GXYLT2: variants seen among roughly 807,000 people sequenced by gnomAD.
The protein encoded by GXYLT2 is glucoside xylosyltransferase 2, also known as glycosyltransferase 8 domain containing 4.
GXYLT2 carries 53 observed loss-of-function variants against 45.8 expected under a neutral mutation model. The observed-to-expected ratio is 1.16, with a 90% CI of 0.93 to 1.46. The LOEUF is 1.46. Ranked by LOEUF, GXYLT2 falls within the 40% of genes most tolerant of loss-of-function variation. GXYLT2 has a pLI of 0.00. For missense variants in GXYLT2, 551 were observed against 544.4 expected (o/e 1.01, Z -0.12); for synonymous variants, 219 against 214.2 (o/e 1.02, Z -0.19).
intron 3 of GXYLT2, among the ~76,000 whole-genome samples, chr3:72,930,956 A>C (rs1164223977): frequency 5.3e-5 from 8 of 152,008 alleles, no homozygotes; most frequent in Admixed American, 5.2e-4. Flanking sequence ...TAGAAGAACA[A>C]CACCATAAAC....
At position 72,970,345 on chromosome 3, in the gene GXYLT2, C is replaced by A. The variant is rs1710964034; in HGVS notation, c.1149+2626C>A. Among the ~76,000 whole-genome samples the A allele has an allele frequency of 4.6e-5, 7 of 151,146 alleles. 1 individual carries two copies. In the South Asian group the frequency reaches 1.5e-3, roughly 32 times the overall value. On this transcript the variant is annotated intron_variant, in intron 6 of 6. Coordinates refer to ENST00000389617, the MANE Select transcript of GXYLT2 (RefSeq NM_001080393.2). ...CAGCCTGAGTGACAGAGCGACACTCCATCTCAAAAAAACCAATTAATTAAT... is the reference window on the plus strand; with the variant it reads ...CAGCCTGAGTGACAGAGCGACACTCAATCTCAAAAAAACCAATTAATTAAT...
intron 5 of GXYLT2, among the ~76,000 whole-genome samples, chr3:72,965,859 A>T (rs1409846975): frequency 6.6e-6 from 1 of 152,112 alleles, no homozygotes; most frequent in Admixed American, 6.5e-5. Flanking sequence ...ATACAAACAC[A>T]CCTGTGTACA....
intron 6 of GXYLT2, 96 bp from the exon 7 acceptor site, chr3:72,974,881 C>T: frequency 1.1e-6 from 1 of 918,744 alleles, no homozygotes; most frequent in Non-Finnish European, 1.7e-6. Context: ...TGCCTGTGGG[C>T]TTATCGTAAT....
chr3:72,908,882 C>T (rs1709561610), intron 2 of GXYLT2, among the ~76,000 whole-genome samples: 1 of 151,982 alleles, frequency 6.6e-6, no homozygotes, highest in African/African-American at 2.4e-5. Flanking sequence ...GGACTACAGG[C>T]ATGCACCACC....
At chr3:72,933,418 GTCA>G (rs1242253332) in intron 3 of GXYLT2, among the ~76,000 whole-genome samples, 1 of 152,124 alleles carries the variant, frequency 6.6e-6, no homozygotes, top group Non-Finnish European at 1.5e-5. Flanking sequence ...CAACTGAAGA[GTCA>G]TTATATTTCT....
intron 3 of GXYLT2, among the ~76,000 whole-genome samples, chr3:72,925,473 C>T (rs1228765744): frequency 6.6e-6 from 1 of 152,082 alleles, no homozygotes; most frequent in Non-Finnish European, 1.5e-5. Flanking sequence ...CTGTTCTTCA[C>T]ATGTCACAGA....
intron 2 of GXYLT2, among the ~76,000 whole-genome samples, chr3:72,910,327 T>G (rs1248747895): frequency 6.6e-6 from 1 of 152,156 alleles, no homozygotes; most frequent in African/African-American, 2.4e-5. Context: ...CACCCTTCCA[T>G]GGAATTAATC....
intron 1 of GXYLT2, among the ~76,000 whole-genome samples, chr3:72,897,340 C>T (rs1709313649): frequency 1.3e-5 from 2 of 152,226 alleles, no homozygotes; most frequent in Admixed American, 6.5e-5. Flanking sequence ...GGGTGACACT[C>T]TCAGGTAAAT....
intron 5 of GXYLT2, among the ~76,000 whole-genome samples, 166 bp from the exon 6 acceptor site, chr3:72,967,381 A>G (rs1710886201): frequency 6.6e-6 from 1 of 152,140 alleles, no homozygotes; most frequent in South Asian, 2.1e-4. Flanking sequence ...TTGATCTCAG[A>G]ATTTTGACAA....
chr3:72,911,991 G>GTATA (rs1285660987), intron 2 of GXYLT2, among the ~76,000 whole-genome samples: 16 of 131,798 alleles, frequency 1.2e-4, no homozygotes, highest in African/African-American at 3.0e-4. Context: ...GTGTGTGTGT[G>GTATA]TGTATATATA....
At chr3:72,911,643 C>T (rs1318068264) in intron 2 of GXYLT2, among the ~76,000 whole-genome samples, 2 of 152,142 alleles carry the variant, frequency 1.3e-5, no homozygotes, top group African/African-American at 4.8e-5. Context: ...GAAGATCCTC[C>T]AACCCCTTCA....
chr3:72,902,762 C>G (rs1423844443), intron 1 of GXYLT2, among the ~76,000 whole-genome samples: 1 of 151,912 alleles, frequency 6.6e-6, no homozygotes, highest in Non-Finnish European at 1.5e-5. Flanking sequence ...TGCCTGTAAT[C>G]CCAGCACTTT....
rs1370568094 is a variant in GXYLT2, at chr3:72,888,248, C to CA, written c.17dup (p.Ala7GlyfsTer25). On this transcript the variant is annotated frameshift_variant, in exon 1 of 7. Transcript: ENST00000389617. LOFTEE classifies it high-confidence loss of function. ...CGCGCCGCACCATGAAGCTCCGCAG[C>CA]AAGGCGGCGGCGCTGCTCTTGCTCG... 15 of 994,154 alleles carry CA rather than the reference C, an allele frequency of 1.5e-5. No homozygotes were observed. Among genetic ancestry groups the CA allele is most frequent in the Admixed American group, 1.2e-4 (2 of 16,056 alleles). 61.6% of individuals were successfully genotyped at this position (994,154 alleles called of 1,614,324 possible).
At chr3:72,912,534 G>GTACATACACATA (rs1423112451) in intron 2 of GXYLT2, among the ~76,000 whole-genome samples, 1 of 152,114 alleles carries the variant, frequency 6.6e-6, no homozygotes, top group East Asian at 1.9e-4. Context: ...ACATACACAT[G>GTACATACACATA]TACATACACA....
chr3:72,888,451 C>A lies in GXYLT2; in HGVS notation c.218C>A (p.Pro73Gln). The A allele has an allele frequency of 8.2e-7, 1 of 1,214,542 alleles. No homozygotes were observed. The highest frequency in any genetic ancestry group is 1.0e-6 in the Non-Finnish European group (1 of 973,092). The allele number at this position is 1,214,542 out of a possible 1,614,324, so 75.2% of individuals were successfully genotyped here. A position where few individuals can be genotyped will look rare whatever the true frequency, so the allele number is the denominator to read the frequency against. The stretch of plus-strand genomic sequence containing the variant: ...CCGGGAGTTCGGAGGCGCCGGCCCC[C>A]GCGTCCGCGCCCCCGAGCGGGCCGC... The part of the protein sequence containing the change: ...ASPGVRRRRP[P>Q]RPRPRAGRRG... The change falls in exon 1 of 7, where the codon CCG becomes CAG. Residue 73 changes from proline to glutamine, a missense_variant. Pro to Gln is a moderately conservative substitution (Grantham distance 76, BLOSUM62 -1). Transcript: ENST00000389617.
At chr3:72,965,627 T>C (rs942041632) in intron 5 of GXYLT2, among the ~76,000 whole-genome samples, 1 of 152,144 alleles carries the variant, frequency 6.6e-6, no homozygotes, top group African/African-American at 2.4e-5. Context: ...CTGAATCCAA[T>C]AGGATTAGGG....
intron 1 of GXYLT2, among the ~76,000 whole-genome samples, chr3:72,895,499 G>T (rs894964482): frequency 6.6e-6 from 1 of 152,078 alleles, no homozygotes; most frequent in Non-Finnish European, 1.5e-5. Context: ...ATATTGACAC[G>T]GTTCCTTTTA....
intron 6 of GXYLT2, among the ~76,000 whole-genome samples, chr3:72,970,576 T>C (rs781527875): frequency 6.6e-6 from 1 of 151,790 alleles, no homozygotes; most frequent in Non-Finnish European, 1.5e-5. Flanking sequence ...ATTCGCAGAG[T>C]TGGCTGAGCG....
At chr3:72,967,456 TAC>T in intron 5 of GXYLT2, 89 bp from the exon 6 acceptor site, 1 of 950,176 alleles carries the variant, frequency 1.1e-6, no homozygotes, top group East Asian at 2.6e-5. Context: ...ACATGCTGTG[TAC>T]AGTTAGTGGA....
Sources: allele counts gnomAD v4.1 joint callset (sites outside exome capture counted in the v4.1 genomes callset), GRCh38; gene constraint gnomAD v4.1.1; transcripts MANE v1.5; gene names NCBI Gene and HGNC (gene_info 2026-07-23, HGNC 2026-07-21).